FUBP1: variants seen among roughly 807,000 people sequenced by gnomAD.
FUBP1 encodes the protein far upstream element-binding protein 1.
FUBP1 carries 16 observed loss-of-function variants against 94.9 expected under a neutral mutation model. That is an observed-to-expected ratio of 0.17 (90% CI 0.11 to 0.26). The LOEUF (loss-of-function observed/expected upper bound fraction) is 0.26. FUBP1 is among the 10% of genes least tolerant of loss of function. FUBP1 has a pLI of 1.00. For synonymous variants in FUBP1, 279 were observed against 254.9 expected (o/e 1.09, Z -0.90); for missense variants, 583 against 808.6 (o/e 0.72, Z 3.38).
At chr1:77,978,785 A>G in intron 1 of FUBP1, 100 bp downstream of exon 1, 1 of 1,372,630 alleles carries the variant, frequency 7.3e-7, no homozygotes, top group Non-Finnish European at 1.0e-6. Flanking sequence ...CCGGAAGAAC[A>G]CCTCTTTCCT....
At chr1:77,978,377 C>CAAG (rs1659135532) in intron 1 of FUBP1, among the ~76,000 whole-genome samples, 1 of 152,228 alleles carries the variant, frequency 6.6e-6, no homozygotes, top group Non-Finnish European at 1.5e-5. Flanking sequence ...AGGCTGCTTT[C>CAAG]AAGTCCCTTC....
intron 14 of FUBP1, among the ~76,000 whole-genome samples, chr1:77,962,246 C>T (rs757961278): frequency 1.3e-5 from 2 of 152,158 alleles, no homozygotes; most frequent in Non-Finnish European, 2.9e-5. Context: ...GGCCCTATCC[C>T]AGACATTTTG....
chr1:77,948,733 C>T lies in FUBP1; in HGVS notation c.*33G>A, dbSNP rs1201853278. The T allele has an allele frequency of 2.5e-6, 4 of 1,597,824 alleles. No individual in the cohort carries two copies. The Admixed American group carries it at 7.0e-5, about 28-fold the overall frequency. Reference sequence around the variant, plus strand: ...TTAACAAAGGTTTTTTTCCCCCACACAATGAAGCAAATACTGTATTGTCCA... The same window carrying T: ...TTAACAAAGGTTTTTTTCCCCCACATAATGAAGCAAATACTGTATTGTCCA... On this transcript the variant is annotated 3_prime_UTR_variant, in exon 20 of 20. Coordinates refer to ENST00000370768, the MANE Select transcript of FUBP1 (RefSeq NM_003902.5).
intron 12 of FUBP1, 111 bp from the exon 13 acceptor site, chr1:77,963,826 T>C: frequency 1.1e-6 from 1 of 891,786 alleles, no homozygotes; most frequent in Non-Finnish European, 1.7e-6. Context: ...ATCAGAAATG[T>C]AGAGATGAAC....
At position 77,948,549 on chromosome 1, in the gene FUBP1, T is replaced by C; in HGVS notation, c.*217A>G. 1 of 1,298,116 alleles carries C rather than the reference T, an allele frequency of 7.7e-7. No individual in the cohort carries two copies. Among genetic ancestry groups the C allele is most frequent in the Non-Finnish European group, 9.8e-7 (1 of 1,017,192 alleles). 80.4% of individuals were successfully genotyped at this position (1,298,116 alleles called of 1,614,324 possible). Reference sequence around the variant, plus strand: ...GAATGTGTACATCTACACTAAATACTAAAAACAAACCAATTTTCATTTCTA... The same window carrying C: ...GAATGTGTACATCTACACTAAATACCAAAAACAAACCAATTTTCATTTCTA... On this transcript the variant is annotated 3_prime_UTR_variant, in exon 20 of 20. Coordinates refer to ENST00000370768, the MANE Select transcript of FUBP1 (RefSeq NM_003902.5).
In FUBP1 at chr1:77,945,348, T is replaced by C. The variant is rs1479901295; in HGVS notation, c.*3418A>G. Among the ~76,000 whole-genome samples, 3 of 152,040 alleles carry C rather than the reference T, an allele frequency of 2.0e-5. No homozygotes were observed. The highest frequency in any genetic ancestry group is 7.2e-5 in the African/African-American group (3 of 41,428). On this transcript the variant is annotated 3_prime_UTR_variant, in exon 20 of 20. Coordinates refer to ENST00000370768, the MANE Select transcript of FUBP1 (RefSeq NM_003902.5). The stretch of plus-strand genomic sequence containing the variant: ...ATACACATAAATGTGGTGTAGTAAC[T>C]ATGTAACTTAAGAAATTTAACAGTT...
chr1:77,955,605 C>G (rs909506429), intron 17 of FUBP1: 3 of 333,938 alleles, frequency 9.0e-6, no homozygotes, highest in Middle Eastern at 1.6e-3. Flanking sequence ...ACTGAGGACA[C>G]CAGGTTTCTC....
rs1050683376 is a variant in FUBP1 at position 77,946,175 on chromosome 1, A to C, written c.*2591T>G. ...TGAAGGCTGTTGAAGTTTCTAAACA[A>C]GTGATTTCCTAAATCTTGAAAACTG... is the stretch of plus-strand genomic sequence containing the variant. On this transcript the variant is annotated 3_prime_UTR_variant, in exon 20 of 20. Coordinates refer to ENST00000370768, the MANE Select transcript of FUBP1 (RefSeq NM_003902.5). Among the ~76,000 whole-genome samples, 3 of 152,036 alleles carry C rather than the reference A, an allele frequency of 2.0e-5. No individual in the cohort carries two copies. Among genetic ancestry groups the C allele is most frequent in the Non-Finnish European group, 2.9e-5 (2 of 67,914 alleles).
chr1:77,945,330 T>C lies in FUBP1; in HGVS notation c.*3436A>G, dbSNP rs76597893. On this transcript the variant is annotated 3_prime_UTR_variant, in exon 20 of 20. Transcript: ENST00000370768. ...TGACTATTAAAACATAACATACACA[T>C]AAATGTGGTGTAGTAACTATGTAAC... is the stretch of plus-strand genomic sequence containing the variant. Among the ~76,000 whole-genome samples, 7,194 of 152,064 alleles carry C rather than the reference T, an allele frequency of 0.047. 227 individuals are homozygous for C. The highest frequency in any genetic ancestry group is 0.11 in the East Asian group (559 of 5,192).
chr1:77,977,028 GA>G (rs1433426029), intron 1 of FUBP1, among the ~76,000 whole-genome samples: 1 of 152,126 alleles, frequency 6.6e-6, no homozygotes, highest in Non-Finnish European at 1.5e-5. Context: ...CTTTACTTAG[GA>G]AATTGGGCAT....
rs778022126 is a variant in FUBP1, at chr1:77,968,218, G to C, written c.212-15C>G. 18 of 1,518,146 alleles carry C rather than the reference G, an allele frequency of 1.2e-5. No homozygotes were observed. The highest frequency in any genetic ancestry group is 1.2e-5 in the Non-Finnish European group (13 of 1,129,916). 94.0% of individuals were successfully genotyped at this position (1,518,146 alleles called of 1,614,324 possible). On this transcript the variant is annotated splice_polypyrimidine_tract_variant and intron_variant, in intron 2 of 19. Transcript: ENST00000370768. The stretch of plus-strand genomic sequence containing the variant: ...ATCTGGTTGATCTGCAAAATTAAGT[G>C]TCTTTTAATTTTTTGCCAATTAAGT...
intron 1 of FUBP1, among the ~76,000 whole-genome samples, chr1:77,975,812 G>C (rs1041044508): frequency 6.6e-6 from 1 of 152,030 alleles, no homozygotes; most frequent in African/African-American, 2.4e-5. Flanking sequence ...GCAGCAATCT[G>C]GTGTCCCTGT....
Position 77,964,305 on chromosome 1 carries a change from T to C in FUBP1, c.889A>G (p.Met297Val). ...GCATCATTTTGTATTTTTTTGATCA[T>C]CTCTCCATTTCTTCCTATTACAATG... ...VGIVIGRNGE[M>V]IKKIQNDAGV... is the part of the protein sequence containing the mutation. Residue 297 changes from methionine (M) to valine (V), a missense_variant, in exon 11 of 20, where the codon ATG becomes GTG. By Grantham distance (21) the Met-to-Val change is conservative. Coordinates refer to ENST00000370768, the MANE Select transcript of FUBP1 (RefSeq NM_003902.5). The C allele has an allele frequency of 6.2e-7, 1 of 1,608,218 alleles. No individual in the cohort carries two copies. Among genetic ancestry groups the C allele is most frequent in the Non-Finnish European group, 8.5e-7 (1 of 1,178,814 alleles).
chr1:77,964,813 T>C, intron 9 of FUBP1, 57 bp downstream of exon 9: 1 of 1,495,328 alleles, frequency 6.7e-7, no homozygotes, highest in Admixed American at 1.7e-5. Context: ...TTCATGCATA[T>C]TTTGCCCAAC....
At chr1:77,975,086 T>C (rs996038219) in intron 1 of FUBP1, among the ~76,000 whole-genome samples, 25 of 152,270 alleles carry the variant, frequency 1.6e-4, no homozygotes, top group Admixed American at 4.6e-4. Context: ...TTACTTGTAT[T>C]GCTGGACTGT....
chr1:77,967,980 G>C (rs559072610), intron 3 of FUBP1, among the ~76,000 whole-genome samples, 185 bp downstream of exon 3: 2 of 151,932 alleles, frequency 1.3e-5, no homozygotes, highest in Non-Finnish European at 2.9e-5. Context: ...ACATATACCC[G>C]GCCACAATTA....
chr1:77,947,337 A>AT lies in FUBP1; in HGVS notation c.*1428dup, dbSNP rs1485085719. On this transcript the variant is annotated 3_prime_UTR_variant, in exon 20 of 20. Transcript: ENST00000370768. ...TAAGAGGCAGTTATGGTTTTCCAAG[A>AT]TATCAGCACTGTATTCCAACATAAT... The AT allele has an allele frequency of 2.6e-6, 1 of 383,130 alleles. No individual in the cohort carries two copies. The allele number at this position is 383,130 out of a possible 1,614,324, so 23.7% of individuals were successfully genotyped here. A position where few individuals can be genotyped will look rare whatever the true frequency, so the allele number is the denominator to read the frequency against.
At chr1:77,969,491 G>T (rs535201023) in intron 2 of FUBP1, among the ~76,000 whole-genome samples, 1 of 151,832 alleles carries the variant, frequency 6.6e-6, no homozygotes, top group African/African-American at 2.4e-5. Context: ...ACACACTAGA[G>T]TAGCAAACTA....
In FUBP1 at chr1:77,960,196, G is replaced by A; in HGVS notation, c.1564C>T (p.Pro522Ser). 6 of 1,608,974 alleles carry A rather than the reference G, an allele frequency of 3.7e-6. No homozygotes were observed. Among genetic ancestry groups the A allele is most frequent in the Non-Finnish European group, 5.1e-6 (6 of 1,175,896 alleles). ...NAYPHWQQQA[P>S]PDPAKAGTDP... ...AAGCATCTTCTACCTGGATCAGGAG[G>A]AGCCTGCTGCTGCCAGTGTGGATAT... Residue 522 changes from proline to serine, a missense_variant, in exon 16 of 20, where the codon CCT (proline) becomes TCT (serine). By Grantham distance (74) the Pro-to-Ser change is moderately conservative. Transcript: ENST00000370768.
Sources: allele counts gnomAD v4.1 joint callset (sites outside exome capture counted in the v4.1 genomes callset), GRCh38; gene constraint gnomAD v4.1.1; transcripts MANE v1.5; gene names NCBI Gene and HGNC (gene_info 2026-07-23, HGNC 2026-07-21).